The following RNF125 variants were observed in gnomAD, a reference collection of about 807,000 sequenced individuals.
RNF125 encodes the protein E3 ubiquitin-protein ligase RNF125.
Under a neutral mutation model 26.0 loss-of-function variants are expected in RNF125, and 21 were observed. That is an observed-to-expected ratio of 0.81 (90% CI 0.57 to 1.16). The LOEUF (loss-of-function observed/expected upper bound fraction) is 1.16. Among genes scored for constraint, RNF125 ranks in the 50% most tolerant of loss-of-function variants. The pLI is 0.00. For missense variants in RNF125, 270 were observed against 299.4 expected (o/e 0.90, Z 0.72); for synonymous variants, 95 against 109.2 (o/e 0.87, Z 0.81).
intron 4 of RNF125, among the ~76,000 whole-genome samples, chr18:32,061,752 G>T (rs2039436922): frequency 6.6e-6 from 1 of 152,176 alleles, no homozygotes; most frequent in African/African-American, 2.4e-5. Flanking sequence ...TTGAACAGTT[G>T]TCTGTTCACA....
Position 32,065,977 on chromosome 18 carries a change from GT to G in RNF125, c.582del (p.Ser195ValfsTer10). ...TGGCAGTTTAATAAGACATCTGCAA[GT>G]TAGTCACACTTTGTTTTATGATGAT... The part of the protein sequence containing the change: ...FSGSLIRHLQ[V>X]SHTLFYDDFI... On this transcript the variant is annotated frameshift_variant, in exon 5 of 6. Transcript: ENST00000217740. LOFTEE classifies it high-confidence loss of function. 6.2e-7 allele frequency: 1 copy of G among 1,610,900 alleles called. No homozygotes were observed. Among genetic ancestry groups the G allele is most frequent in the Non-Finnish European group, 8.5e-7 (1 of 1,177,086 alleles).
Position 32,066,000 on chromosome 18 carries a change from TG to T in RNF125, c.604del (p.Asp202IlefsTer3). 1 of 1,574,008 alleles carries T rather than the reference TG, an allele frequency of 6.4e-7. No individual in the cohort carries two copies. On this transcript the variant is annotated frameshift_variant, in exon 5 of 6. Transcript: ENST00000217740. LOFTEE classifies it high-confidence loss of function. ...AAGTTAGTCACACTTTGTTTTATGA[TG>T]ATTTCATAGTAAGTATATTTTCTTA... ...LQVSHTLFYD[D>X]FIDFNIIEEA...
intron 1 of RNF125, among the ~76,000 whole-genome samples, chr18:32,027,623 C>T (rs565683671): frequency 5.3e-4 from 81 of 152,116 alleles, no homozygotes; most frequent in Non-Finnish European, 1.0e-3. Flanking sequence ...ATGAGTTTAC[C>T]TTTCTTTGCT....
downstream of RNF125, among the ~76,000 whole-genome samples, chr18:32,074,922 A>G (rs1046974030): frequency 1.3e-5 from 2 of 152,246 alleles, no homozygotes; most frequent in African/African-American, 4.8e-5. Context: ...AGTTTCTCAG[A>G]CATAAGATAG....
intron 1 of RNF125, 98 bp from the exon 2 acceptor site, chr18:32,037,018 G>A: frequency 9.3e-7 from 1 of 1,078,698 alleles, no homozygotes; most frequent in Non-Finnish European, 1.3e-6. Context: ...CATGGGGTAC[G>A]AGGTGTCATT....
intron 4 of RNF125, 44 bp from the exon 5 acceptor site, chr18:32,065,858 G>T (rs746729692): frequency 7.3e-7 from 1 of 1,363,200 alleles, no homozygotes; most frequent in East Asian, 2.3e-5. Context: ...CACTAATAAC[G>T]ATTTTAAATT....
intron 4 of RNF125, among the ~76,000 whole-genome samples, chr18:32,050,330 A>T (rs1013936249): frequency 6.6e-6 from 1 of 151,962 alleles, no homozygotes; most frequent in Non-Finnish European, 1.5e-5. Context: ...GCCATTTTTT[A>T]AAATTTGGAG....
rs2039528449 is a variant in RNF125, at chr18:32,070,945, C to A, written c.*2561C>A. ...CCTCAAACTCTCGACCTCAGGTGAT[C>A]CGCCTGCCTCGGCCTCCCAAAGTGC... is the stretch of plus-strand genomic sequence containing the variant. On this transcript the variant is annotated 3_prime_UTR_variant, in exon 6 of 6. Coordinates refer to ENST00000217740, the MANE Select transcript of RNF125 (RefSeq NM_017831.4). 6.6e-6 allele frequency: 1 copy of A among 152,236 alleles called. No homozygotes were observed. Among genetic ancestry groups the A allele is most frequent in the African/African-American group, 2.4e-5 (1 of 41,462 alleles). 9.4% of individuals were successfully genotyped at this position (152,236 alleles called of 1,614,324 possible). A position where few individuals can be genotyped will look rare whatever the true frequency, so the allele number is the denominator to read the frequency against.
chr18:32,019,470 T>C (rs1389439023), intron 1 of RNF125, among the ~76,000 whole-genome samples: 1 of 152,228 alleles, frequency 6.6e-6, no homozygotes, highest in Non-Finnish European at 1.5e-5. Flanking sequence ...CGGGCTGCGC[T>C]TCCCTCTGCC....
In RNF125 at chr18:32,057,367, TG is replaced by T. The variant is rs1481251455; in HGVS notation, c.505-8534del. ...TTTTTTTTCTGAGACGGAGTTTTGC[TG>T]TTGTTGCCTAGGCTGGAGTGTAGTG... On this transcript the variant is annotated intron_variant, in intron 4 of 5. Transcript: ENST00000217740. Among the ~76,000 whole-genome samples the T allele has an allele frequency of 2.6e-5, 4 of 151,050 alleles. No homozygotes were observed. In the East Asian group the frequency reaches 7.8e-4, roughly 29 times the overall value.
At chr18:32,075,941 G>C (rs1475281198), downstream of RNF125, 5 of 1,519,826 alleles carry the variant, frequency 3.3e-6, no homozygotes, top group Admixed American at 3.4e-5. Flanking sequence ...GCTTCTTCAT[G>C]GTCCATGATG....
chr18:32,056,659 GATA>G (rs2039387583), intron 4 of RNF125, among the ~76,000 whole-genome samples: 2 of 142,588 alleles, frequency 1.4e-5, no homozygotes, highest in East Asian at 4.1e-4. Context: ...TAGAAAAAAA[GATA>G]ATAACATTAA....
At chr18:32,085,700 C>CAAAAAAAA in the RNF125 span, among the ~76,000 whole-genome samples, 3 of 62,756 alleles carry the variant, frequency 4.8e-5, no homozygotes, top group African/African-American at 6.4e-5. Context: ...AACGACTTAT[C>CAAAAAAAA]AAAAAAAAAA....
At chr18:32,025,435 G>T (rs977701769) in intron 1 of RNF125, among the ~76,000 whole-genome samples, 2 of 151,496 alleles carry the variant, frequency 1.3e-5, no homozygotes, top group Non-Finnish European at 2.9e-5. Flanking sequence ...AGGCTGAGGT[G>T]GGGGGATCAC....
chr18:32,067,121 C>T (rs746462789), intron 5 of RNF125, among the ~76,000 whole-genome samples: 10 of 152,210 alleles, frequency 6.6e-5, no homozygotes, highest in East Asian at 3.9e-4. Flanking sequence ...GGCATGGTGG[C>T]GGGCGCCTGT....
the RNF125 span, among the ~76,000 whole-genome samples, chr18:32,087,005 C>T: frequency 6.6e-6 from 1 of 152,066 alleles, no homozygotes; most frequent in Non-Finnish European, 1.5e-5. Context: ...TAATAATTCC[C>T]TTCACAGCCT....
intron 1 of RNF125, among the ~76,000 whole-genome samples, chr18:32,036,034 A>C (rs901893011): frequency 1.3e-5 from 2 of 151,894 alleles, no homozygotes; most frequent in Admixed American, 1.3e-4. Flanking sequence ...GGTGCCAGTA[A>C]TCCCAGCTAC....
intron 4 of RNF125, among the ~76,000 whole-genome samples, chr18:32,054,370 G>A (rs961202952): frequency 2.6e-5 from 4 of 152,076 alleles, no homozygotes; most frequent in African/African-American, 4.8e-5. Context: ...CGCGATTACC[G>A]GCATGAGCCA....
At chr18:32,027,777 G>T (rs1390809295) in intron 1 of RNF125, among the ~76,000 whole-genome samples, 1 of 151,950 alleles carries the variant, frequency 6.6e-6, no homozygotes, top group Non-Finnish European at 1.5e-5. Flanking sequence ...CAGATTAATG[G>T]GATAAAAGCA....
Sources: allele counts gnomAD v4.1 joint callset (sites outside exome capture counted in the v4.1 genomes callset), GRCh38; gene constraint gnomAD v4.1.1; transcripts MANE v1.5; gene names NCBI Gene and HGNC (gene_info 2026-07-23, HGNC 2026-07-21).